The following CCDC3 variants were observed in gnomAD, a reference collection of about 807,000 sequenced individuals.
The protein encoded by CCDC3 is coiled-coil domain-containing protein 3.
In CCDC3, 24 loss-of-function variants were observed where a neutral mutation model predicts 21.4. The ratio of observed to expected loss-of-function variants is 1.12; its 90% CI spans 0.81 to 1.58. CCDC3 has a LOEUF of 1.58. Among genes scored for constraint, CCDC3 ranks in the 40% most tolerant of loss-of-function variants. The pLI, the probability that CCDC3 is intolerant of heterozygous loss-of-function variation, is 0.00. For missense variants in CCDC3, 425 were observed against 360.9 expected (o/e 1.18, Z -1.44); for synonymous variants, 186 against 166.0 (o/e 1.12, Z -0.93).
intron 2 of CCDC3, among the ~76,000 whole-genome samples, chr10:12,995,948 A>G (rs775832554): frequency 4.6e-5 from 7 of 152,206 alleles, no homozygotes; most frequent in Non-Finnish European, 1.0e-4. Context: ...TAGTGCTAAG[A>G]AGTTATGTAG....
At chr10:13,024,089 C>G (rs1432822913) in intron 5 of CCDC3, among the ~76,000 whole-genome samples, 1 of 152,146 alleles carries the variant, frequency 6.6e-6, no homozygotes, top group Admixed American at 6.5e-5. Context: ...GTGCTTTAGG[C>G]TCTGTTCTCT....
intron 2 of CCDC3, among the ~76,000 whole-genome samples, chr10:12,900,706 A>AC (rs947035979): frequency 1.2e-4 from 18 of 149,136 alleles, no homozygotes; most frequent in Admixed American, 2.0e-4. Flanking sequence ...AAAAAAAAAA[A>AC]AAACAAACTC....
At chr10:13,055,302 C>G (rs544487070) in intron 4 of CCDC3, among the ~76,000 whole-genome samples, 11 of 152,126 alleles carry the variant, frequency 7.2e-5, no homozygotes, top group African/African-American at 2.4e-4. Context: ...ACATTCAAGC[C>G]CAGATTCAAG....
rs1224226666 is a variant in CCDC3 at position 13,001,237 on chromosome 10, G to A, written c.334C>T (p.His112Tyr). The A allele has an allele frequency of 6.3e-6, 10 of 1,581,002 alleles. No homozygotes were observed. In the African/African-American group the frequency reaches 9.4e-5, roughly 15 times the overall value. Reference sequence around the variant, plus strand: ...TAGGAGTAGTCCTGGACCACGGTGTGGGAGTGGCACGAGAAGTAGCCCAGG... The same window carrying A: ...TAGGAGTAGTCCTGGACCACGGTGTAGGAGTGGCACGAGAAGTAGCCCAGG... ...TGLGYFSCHSHTVVQDYSYFF... is the reference protein window; with the variant it reads ...TGLGYFSCHSYTVVQDYSYFF... The change falls in exon 1 of 3, where the codon CAC becomes TAC. Residue 112 changes from histidine (H) to tyrosine (Y), a missense_variant. Physicochemically the swap from His to Tyr is moderately conservative, Grantham distance 83. Transcript: ENST00000378825.
intron 2 of CCDC3, among the ~76,000 whole-genome samples, chr10:12,938,458 T>G (rs1165843927): frequency 6.6e-6 from 1 of 152,248 alleles, no homozygotes; most frequent in Non-Finnish European, 1.5e-5. Flanking sequence ...CTATTTCCCC[T>G]TTGGACCACA....
chr10:13,056,462 G>A (rs1176753896), intron 4 of CCDC3, among the ~76,000 whole-genome samples: 3 of 152,192 alleles, frequency 2.0e-5, no homozygotes, highest in Non-Finnish European at 2.9e-5. Flanking sequence ...CCACTCGTCC[G>A]GAACCACATA....
At chr10:13,021,239 T>C (rs1836141029) in intron 5 of CCDC3, among the ~76,000 whole-genome samples, 1 of 152,254 alleles carries the variant, frequency 6.6e-6, no homozygotes, top group Non-Finnish European at 1.5e-5. Flanking sequence ...CTGGGGCAAC[T>C]TTTAAAAATA....
chr10:13,077,512 T>G (rs1188423561), intron 3 of CCDC3, among the ~76,000 whole-genome samples: 1 of 152,276 alleles, frequency 6.6e-6, no homozygotes, highest in African/African-American at 2.4e-5. Flanking sequence ...AAAACTACTT[T>G]AAAGTTCATA....
chr10:12,991,619 C>T (rs1368472166), intron 2 of CCDC3, among the ~76,000 whole-genome samples: 1 of 152,168 alleles, frequency 6.6e-6, no homozygotes, highest in Non-Finnish European at 1.5e-5. Context: ...CAGGCTTGAA[C>T]CACCAATCCT....
At chr10:12,960,646 G>A (rs917159703) in intron 2 of CCDC3, among the ~76,000 whole-genome samples, 7 of 152,200 alleles carry the variant, frequency 4.6e-5, no homozygotes, top group Non-Finnish European at 8.8e-5. Flanking sequence ...ACACGAGGTG[G>A]GGCAGGGTGC....
At chr10:13,088,106 G>C (rs545775162) in intron 3 of CCDC3, among the ~76,000 whole-genome samples, 3 of 152,280 alleles carry the variant, frequency 2.0e-5, no homozygotes, top group African/African-American at 7.2e-5. Context: ...GCAGTGAACA[G>C]CCTGCACAAC....
At chr10:13,024,733 T>C (rs1836193138) in intron 5 of CCDC3, among the ~76,000 whole-genome samples, 1 of 152,212 alleles carries the variant, frequency 6.6e-6, no homozygotes, top group African/African-American at 2.4e-5. Flanking sequence ...AGAAGCCAGA[T>C]TGCGCATTCC....
At chr10:13,013,722 G>C (rs1836013259) in intron 5 of CCDC3, among the ~76,000 whole-genome samples, 1 of 152,118 alleles carries the variant, frequency 6.6e-6, no homozygotes, top group Non-Finnish European at 1.5e-5. Context: ...AAATGTGAAT[G>C]TAAACATGAG....
chr10:13,082,224 G>A (rs1027198148), intron 3 of CCDC3, among the ~76,000 whole-genome samples: 5 of 152,204 alleles, frequency 3.3e-5, no homozygotes, highest in Non-Finnish European at 4.4e-5. Flanking sequence ...ACAAGACAAG[G>A]GGGCAGGGTA....
Position 13,063,106 on chromosome 10 carries a change from C to T in CCDC3, c.-270+10762G>A, listed in dbSNP as rs913015711. Among the ~76,000 whole-genome samples the T allele has an allele frequency of 1.1e-4, 4 of 36,822 alleles. No homozygotes were observed. In the Admixed American group the frequency reaches 1.3e-3, roughly 12 times the overall value. The allele number at this position is 36,822 out of a possible 152,430, so 24.2% of individuals were successfully genotyped here. A position where few individuals can be genotyped will look rare whatever the true frequency, so the allele number is the denominator to read the frequency against. On this transcript the variant is annotated intron_variant, in intron 4 of 6. Coordinates refer to the CCDC3 transcript ENST00000378839. ...CTCCTGGCTCACTGGCTTACCCCCA[C>T]CCACCAAGTTATTTTTAAAAACTTT...
intron 4 of CCDC3, chr10:13,058,053 AC>A (rs1302478395): frequency 1.3e-5 from 10 of 749,206 alleles, no homozygotes; most frequent in Non-Finnish European, 2.4e-5. Context: ...ATTAAGTAGC[AC>A]ATGTAATCTG....
intron 2 of CCDC3, among the ~76,000 whole-genome samples, chr10:12,909,633 C>T (rs1203384890): frequency 6.6e-6 from 1 of 152,214 alleles, no homozygotes; most frequent in South Asian, 2.1e-4. Context: ...AAGTCAGGCT[C>T]TCCCTTCCGG....
chr10:12,917,787 G>A (rs1460506380), intron 2 of CCDC3, among the ~76,000 whole-genome samples: 6 of 152,078 alleles, frequency 3.9e-5, no homozygotes, highest in Admixed American at 1.3e-4. Flanking sequence ...TTACTTTACC[G>A]TAGTCCTTTT....
At chr10:13,079,472 T>A (rs1837006629) in intron 3 of CCDC3, among the ~76,000 whole-genome samples, 1 of 151,634 alleles carries the variant, frequency 6.6e-6, no homozygotes, top group Non-Finnish European at 1.5e-5. Context: ...CAGGCAGGAC[T>A]AAAGCGGGGC....
Sources: gnomAD v4.1 joint callset for allele counts (sites outside exome capture counted in the v4.1 genomes callset) on GRCh38, gnomAD v4.1.1 for gene constraint, MANE v1.5 for transcripts, NCBI Gene and HGNC (gene_info 2026-07-23, HGNC 2026-07-21) for gene names.